TECRL: variants seen among roughly 807,000 people sequenced by gnomAD.
TECRL encodes the protein trans-2,3-enoyl-CoA reductase like.
A neutral mutation model predicts 52.8 loss-of-function variants in TECRL; 63 were observed. The ratio of observed to expected loss-of-function variants is 1.19; its 90% CI spans 0.97 to 1.47. The LOEUF is 1.47. TECRL is among the 40% of genes most tolerant of loss of function. The pLI is 0.00. For missense variants in TECRL, 482 were observed against 429.6 expected, an observed-to-expected ratio of 1.12 and a Z score of -1.08; for synonymous variants, 164 against 141.9, an observed-to-expected ratio of 1.16 and a Z score of -1.10.
At chr4:64,376,881 TATA>T (rs1246166989) in intron 1 of TECRL, among the ~76,000 whole-genome samples, 1 of 151,952 alleles carries the variant, frequency 6.6e-6, no homozygotes, top group Non-Finnish European at 1.5e-5. Flanking sequence ...CCACAGAGCA[TATA>T]ATAAGCTTTA....
At chr4:64,336,637 G>A (rs898293704) in intron 2 of TECRL, among the ~76,000 whole-genome samples, 1 of 152,078 alleles carries the variant, frequency 6.6e-6, no homozygotes, top group African/African-American at 2.4e-5. Context: ...TTTCTCTTGT[G>A]GGCATTTAGT....
intron 2 of TECRL, among the ~76,000 whole-genome samples, chr4:64,374,577 A>G (rs1308003785): frequency 6.8e-6 from 1 of 146,404 alleles, no homozygotes; most frequent in Non-Finnish European, 1.5e-5. Flanking sequence ...CCACCCCACC[A>G]CAGGCCCCGG....
intron 1 of TECRL, among the ~76,000 whole-genome samples, chr4:64,378,064 A>T (rs985540686): frequency 2.0e-5 from 3 of 152,142 alleles, no homozygotes; most frequent in East Asian, 1.9e-4. Context: ...ATAAAACCAA[A>T]GTAAAAGATG....
intron 2 of TECRL, among the ~76,000 whole-genome samples, chr4:64,358,110 A>G (rs1047772998): frequency 1.3e-5 from 2 of 151,788 alleles, no homozygotes; most frequent in African/African-American, 4.8e-5. Context: ...AACGAAAAAA[A>G]AAAGACATTC....
chr4:64,360,131 T>C (rs1359149763), intron 2 of TECRL, among the ~76,000 whole-genome samples: 1 of 152,176 alleles, frequency 6.6e-6, no homozygotes, highest in Non-Finnish European at 1.5e-5. Context: ...TGATTGATAA[T>C]ATGTCTTACA....
At chr4:64,291,505 A>G (rs2109951996) in intron 8 of TECRL, among the ~76,000 whole-genome samples, 1 of 152,116 alleles carries the variant, frequency 6.6e-6, no homozygotes, top group South Asian at 2.1e-4. Context: ...TTTATTAAAA[A>G]GCAAGTTGTT....
At position 64,326,267 on chromosome 4, in the gene TECRL, T is replaced by TG. The variant is rs1311405106; in HGVS notation, c.331+2244_331+2245insC. Among the ~76,000 whole-genome samples, 9 of 152,260 alleles carry TG rather than the reference T, an allele frequency of 5.9e-5. No homozygotes were observed. The East Asian group carries it at 1.7e-3, about 29-fold the overall frequency. ...TGTAGAAATCCAATCATTTTAAACA[T>TG]TAGAAATTTTCCCAGTCCTTCCAGG... On this transcript the variant is annotated intron_variant, in intron 3 of 11. Transcript: ENST00000381210.
chr4:64,372,459 A>G (rs1260793230), intron 2 of TECRL, among the ~76,000 whole-genome samples: 1 of 151,812 alleles, frequency 6.6e-6, no homozygotes, highest in Admixed American at 6.6e-5. Flanking sequence ...CTATTTCTTC[A>G]CCAGTCTGAT....
intron 1 of TECRL, among the ~76,000 whole-genome samples, chr4:64,407,394 A>G (rs1724803476): frequency 6.6e-6 from 1 of 152,048 alleles, no homozygotes; most frequent in African/African-American, 2.4e-5. Context: ...ATTAACACGT[A>G]AAAATATAAA....
In TECRL at chr4:64,314,780, A is replaced by G. The variant is rs745833219; in HGVS notation, c.436-17T>C. On this transcript the variant is annotated splice_polypyrimidine_tract_variant and intron_variant, in intron 4 of 11. Transcript: ENST00000381210. ...CAAAAACACCTGAAAATAAAACATG[A>G]TTTAGATTAAACGATAAAAATAGAT... 5.3e-6 allele frequency: 8 copies of G among 1,520,556 alleles called. No individual in the cohort carries two copies. Among genetic ancestry groups the G allele is most frequent in the Non-Finnish European group, 7.3e-6 (8 of 1,094,904 alleles). The allele number at this position is 1,520,556 out of a possible 1,614,324, so 94.2% of individuals were successfully genotyped here.
intron 4 of TECRL, among the ~76,000 whole-genome samples, chr4:64,318,657 A>T (rs1322693575): frequency 2.6e-5 from 4 of 152,088 alleles, no homozygotes; most frequent in African/African-American, 9.6e-5. Context: ...TTCAGAAATT[A>T]AAAAAATAAA....
chr4:64,315,195 C>T (rs1202894918), intron 4 of TECRL, among the ~76,000 whole-genome samples: 3 of 151,962 alleles, frequency 2.0e-5, no homozygotes, highest in Non-Finnish European at 2.9e-5. Flanking sequence ...CCTCCATGGG[C>T]CTGTCAGCTT....
chr4:64,389,044 A>G (rs1450259024), intron 1 of TECRL, among the ~76,000 whole-genome samples: 1 of 151,866 alleles, frequency 6.6e-6, no homozygotes, highest in Non-Finnish European at 1.5e-5. Context: ...TATTTCAGAT[A>G]TTCTACATAG....
intron 2 of TECRL, among the ~76,000 whole-genome samples, chr4:64,341,372 G>T (rs952553827): frequency 1.3e-5 from 2 of 152,130 alleles, no homozygotes; most frequent in African/African-American, 4.8e-5. Flanking sequence ...AGGTTGGGGT[G>T]TGTGGATCAC....
chr4:64,284,853 C>T (rs751316332), intron 9 of TECRL, among the ~76,000 whole-genome samples: 6 of 152,004 alleles, frequency 3.9e-5, no homozygotes, highest in Non-Finnish European at 8.8e-5. Flanking sequence ...ATTCCTTTCC[C>T]AGTATTGGAA....
At chr4:64,328,994 T>C (rs904391861) in intron 2 of TECRL, among the ~76,000 whole-genome samples, 2 of 152,032 alleles carry the variant, frequency 1.3e-5, no homozygotes, top group African/African-American at 4.8e-5. Context: ...CAAGAGTAAA[T>C]ACTAAGATGT....
chr4:64,337,858 A>C (rs1000371698), intron 2 of TECRL, among the ~76,000 whole-genome samples: 5 of 152,192 alleles, frequency 3.3e-5, no homozygotes, highest in Admixed American at 2.0e-4. Flanking sequence ...CATACTGCCC[A>C]AGGTCATTTA....
chr4:64,369,100 T>G (rs1312336491), intron 2 of TECRL, among the ~76,000 whole-genome samples: 1 of 152,192 alleles, frequency 6.6e-6, no homozygotes, highest in African/African-American at 2.4e-5. Flanking sequence ...GTATGGTGTT[T>G]TCAACTAATA....
In TECRL at chr4:64,295,353, A is replaced by G. The variant is rs541279206; in HGVS notation, c.774+4621T>C. On this transcript the variant is annotated intron_variant, in intron 8 of 11. Transcript: ENST00000381210. ...TGCATGAAACAATTATTTTATTGCA[A>G]AAATTTTGATATAGGAGATGTTATT... 4.6e-4 allele frequency among the ~76,000 whole-genome samples: 50 copies of G among 108,842 alleles called. 1 individual carries two copies. The highest frequency in any genetic ancestry group is 1.6e-3 in the African/African-American group (50 of 31,564). 71.4% of individuals were successfully genotyped at this position (108,842 alleles called of 152,430 possible).
Sources: allele counts gnomAD v4.1 joint callset (sites outside exome capture counted in the v4.1 genomes callset), GRCh38; gene constraint gnomAD v4.1.1; transcripts MANE v1.5; gene names NCBI Gene and HGNC (gene_info 2026-07-23, HGNC 2026-07-21).